The following CDH9 variants were observed in gnomAD, a reference collection of about 807,000 sequenced individuals.
CDH9 encodes cadherin-9.
In CDH9, 28 loss-of-function variants were observed where a neutral mutation model predicts 70.9. That is an observed-to-expected ratio of 0.40 (90% CI 0.29 to 0.54). The LOEUF is 0.54. Among genes scored for constraint, CDH9 ranks in the 20% least tolerant of loss-of-function variants. The pLI, the probability that CDH9 is intolerant of heterozygous loss-of-function variation, is 0.59. For synonymous variants in CDH9, 409 were observed against 343.1 expected (o/e 1.19, Z -2.12); for missense variants, 874 against 984.4 (o/e 0.89, Z 1.50).
intron 2 of CDH9, among the ~76,000 whole-genome samples, chr5:26,943,466 T>C (rs993340433): frequency 1.4e-5 from 2 of 145,956 alleles, no homozygotes; most frequent in African/African-American, 5.1e-5. Context: ...TGAGCTGAGA[T>C]CACGCCACTG....
At chr5:26,969,887 C>A (rs548528496) in intron 2 of CDH9, among the ~76,000 whole-genome samples, 1 of 149,750 alleles carries the variant, frequency 6.7e-6, no homozygotes, top group Admixed American at 6.7e-5. Context: ...ATGTGTGTAA[C>A]GTGTGTGTAT....
intron 3 of CDH9, among the ~76,000 whole-genome samples, chr5:26,913,756 T>TG (rs1491150176): frequency 8.6e-6 from 1 of 116,612 alleles, no homozygotes; most frequent in Non-Finnish European, 1.7e-5. Context: ...TACATATATG[T>TG]TTGTGTGTGT....
At chr5:26,894,424 A>C (rs569247099) in intron 7 of CDH9, among the ~76,000 whole-genome samples, 1 of 152,120 alleles carries the variant, frequency 6.6e-6, no homozygotes, top group South Asian at 2.1e-4. Context: ...TGGCCACCTT[A>C]CTCTTAGGTA....
chr5:26,969,373 A>G (rs2112071128), intron 2 of CDH9, among the ~76,000 whole-genome samples: 1 of 152,202 alleles, frequency 6.6e-6, no homozygotes, highest in South Asian at 2.1e-4. Context: ...ATTTTACAAG[A>G]CTGATTGGAG....
chr5:26,942,025 C>A (rs1027536126), intron 2 of CDH9, among the ~76,000 whole-genome samples: 1 of 152,070 alleles, frequency 6.6e-6, no homozygotes, highest in Non-Finnish European at 1.5e-5. Context: ...ATAACCTCTT[C>A]ATGTTGCTTA....
chr5:26,961,190 C>T (rs909033327), intron 2 of CDH9, among the ~76,000 whole-genome samples: 6 of 152,024 alleles, frequency 3.9e-5, no homozygotes, highest in Non-Finnish European at 5.9e-5. Flanking sequence ...TGTTTTGATA[C>T]GTGCATACAC....
intron 2 of CDH9, among the ~76,000 whole-genome samples, chr5:26,970,833 A>G (rs946184544): frequency 2.6e-4 from 40 of 152,214 alleles, no homozygotes; most frequent in African/African-American, 8.9e-4. Flanking sequence ...GATTTTTCTT[A>G]TAAAACTTGC....
At chr5:26,958,223 A>T (rs929111561) in intron 2 of CDH9, among the ~76,000 whole-genome samples, 4 of 152,182 alleles carry the variant, frequency 2.6e-5, no homozygotes, top group African/African-American at 9.7e-5. Flanking sequence ...GAAAATGAAC[A>T]TTAGTGGACA....
chr5:26,919,095 C>A (rs1741197919), intron 2 of CDH9, among the ~76,000 whole-genome samples: 1 of 152,064 alleles, frequency 6.6e-6, no homozygotes, highest in Admixed American at 6.5e-5. Context: ...AAAAAGCTTT[C>A]ATATGAATGA....
Position 27,034,190 on chromosome 5 carries a change from T to C in CDH9, c.-50+4273A>G, listed in dbSNP as rs182303550. Among the ~76,000 whole-genome samples, 5 of 151,866 alleles carry C rather than the reference T, an allele frequency of 3.3e-5. No homozygotes were observed. The East Asian group carries it at 7.8e-4, about 24-fold the overall frequency. Reference sequence around the variant, plus strand: ...ATCTTTCATATTCAAATTTAAATAATAATTATTAGTTACTACTATTTCCAC... The same window carrying C: ...ATCTTTCATATTCAAATTTAAATAACAATTATTAGTTACTACTATTTCCAC... On this transcript the variant is annotated intron_variant, in intron 1 of 11. Coordinates refer to ENST00000231021, the MANE Select transcript of CDH9 (RefSeq NM_016279.4).
At chr5:27,021,968 C>T (rs1272247627) in intron 1 of CDH9, among the ~76,000 whole-genome samples, 1 of 151,934 alleles carries the variant, frequency 6.6e-6, no homozygotes, top group East Asian at 1.9e-4. Flanking sequence ...CTATCGGATA[C>T]TCTCGTGTTG....
At chr5:26,926,465 T>A (rs938801358) in intron 2 of CDH9, among the ~76,000 whole-genome samples, 2 of 152,092 alleles carry the variant, frequency 1.3e-5, no homozygotes, top group African/African-American at 4.8e-5. Context: ...TGGAAGAACA[T>A]TTCATGCTCA....
chr5:27,001,529 A>G (rs547646163), intron 1 of CDH9, among the ~76,000 whole-genome samples: 3 of 152,272 alleles, frequency 2.0e-5, no homozygotes, highest in South Asian at 2.1e-4. Flanking sequence ...GAAGACACCA[A>G]TGTAAAATCA....
intron 1 of CDH9, among the ~76,000 whole-genome samples, chr5:26,990,557 A>C (rs1742563699): frequency 6.6e-6 from 1 of 152,164 alleles, no homozygotes; most frequent in African/African-American, 2.4e-5. Flanking sequence ...CACAGCCAAT[A>C]TAAAACCCGG....
chr5:27,012,793 G>T (rs1742981469), intron 1 of CDH9, among the ~76,000 whole-genome samples: 2 of 151,888 alleles, frequency 1.3e-5, no homozygotes, highest in African/African-American at 2.4e-5. Context: ...TCACTTATTA[G>T]AACTCAGTAA....
At chr5:27,012,084 T>G (rs954451957) in intron 1 of CDH9, among the ~76,000 whole-genome samples, 1 of 151,942 alleles carries the variant, frequency 6.6e-6, no homozygotes, top group Non-Finnish European at 1.5e-5. Context: ...TAGGATCCAC[T>G]ATACCCTTAG....
At chr5:26,951,062 G>A (rs1741835318) in intron 2 of CDH9, among the ~76,000 whole-genome samples, 1 of 152,022 alleles carries the variant, frequency 6.6e-6, no homozygotes, top group Non-Finnish European at 1.5e-5. Context: ...GGGAAGTCAA[G>A]GCGGGCAGAT....
intron 2 of CDH9, among the ~76,000 whole-genome samples, chr5:26,971,889 A>T (rs1195340289): frequency 6.6e-6 from 1 of 152,210 alleles, no homozygotes; most frequent in East Asian, 1.9e-4. Flanking sequence ...AAAAAGTGAC[A>T]TCAGATGAAC....
chr5:26,922,894 CTTGT>C (rs1741269192), intron 2 of CDH9, among the ~76,000 whole-genome samples: 2 of 151,098 alleles, frequency 1.3e-5, no homozygotes, highest in Admixed American at 1.3e-4. Flanking sequence ...TCTTTGCTTG[CTTGT>C]TTGTTTATGC....
Sources: gnomAD v4.1 joint callset for allele counts (sites outside exome capture counted in the v4.1 genomes callset) on GRCh38, gnomAD v4.1.1 for gene constraint, MANE v1.5 for transcripts, NCBI Gene and HGNC (gene_info 2026-07-23, HGNC 2026-07-21) for gene names.